The following JCHAIN variants were observed in gnomAD, a reference collection of about 807,000 sequenced individuals.
The protein encoded by JCHAIN is joining chain of multimeric IgA and IgM, also known as immunoglobulin J chain.
Under a neutral mutation model 11.1 loss-of-function variants are expected in JCHAIN, and 5 were observed. That is an observed-to-expected ratio of 0.45 (90% CI 0.24 to 0.95). JCHAIN has a LOEUF of 0.95. Among genes scored for constraint, JCHAIN ranks in the 40% least tolerant of loss-of-function variants. JCHAIN has a pLI of 0.21. For synonymous variants in JCHAIN, 51 were observed against 67.8 expected (o/e 0.75, Z 1.22); for missense variants, 165 against 192.7 (o/e 0.86, Z 0.85).
intron 3 of JCHAIN, 149 bp downstream of exon 3, chr4:70,657,062 A>G (rs1738963941): frequency 2.2e-6 from 1 of 454,276 alleles, no homozygotes; most frequent in African/African-American, 2.0e-5. Context: ...CTAATAATTA[A>G]CATAGGAATT....
At chr4:70,656,782 C>T (rs1738957471) in intron 3 of JCHAIN, among the ~76,000 whole-genome samples, 1 of 152,080 alleles carries the variant, frequency 6.6e-6, no homozygotes, top group African/African-American at 2.4e-5. Flanking sequence ...TTTATCTACA[C>T]CATACAGCAA....
intron 1 of JCHAIN, chr4:70,665,935 T>C: frequency 3.2e-6 from 1 of 308,000 alleles, no homozygotes; most frequent in Non-Finnish European, 6.6e-6. Context: ...AGTTCAGTCA[T>C]CAATTTATAG....
At chr4:70,664,860 G>C (rs1739124163) in intron 1 of JCHAIN, among the ~76,000 whole-genome samples, 1 of 152,088 alleles carries the variant, frequency 6.6e-6, no homozygotes, top group Non-Finnish European at 1.5e-5. Flanking sequence ...AGAAACCTGG[G>C]AAGTTAATAT....
chr4:70,658,521 T>C (rs1046867879), intron 2 of JCHAIN, among the ~76,000 whole-genome samples: 1 of 152,174 alleles, frequency 6.6e-6, no homozygotes, highest in African/African-American at 2.4e-5. Context: ...TTTTCTCATC[T>C]CCCATCTTAA....
chr4:70,661,962 C>A (rs1739064584), intron 2 of JCHAIN, 130 bp downstream of exon 2: 1 of 811,820 alleles, frequency 1.2e-6, no homozygotes, highest in South Asian at 1.9e-5. Context: ...AGACTCAATT[C>A]TTTACTCATG....
intron 1 of JCHAIN, among the ~76,000 whole-genome samples, chr4:70,666,175 G>C (rs887617147): frequency 1.3e-5 from 2 of 152,074 alleles, no homozygotes; most frequent in African/African-American, 2.4e-5. Flanking sequence ...ATATAAGCAG[G>C]ACTATCTGTA....
intron 2 of JCHAIN, among the ~76,000 whole-genome samples, chr4:70,657,804 G>C (rs1244388641): frequency 6.6e-6 from 1 of 152,124 alleles, no homozygotes; most frequent in Non-Finnish European, 1.5e-5. Context: ...GAAATGGACA[G>C]ACAGATATTA....
chr4:70,666,267 T>C (rs893919511), intron 1 of JCHAIN, among the ~76,000 whole-genome samples, 160 bp downstream of exon 1: 2 of 152,154 alleles, frequency 1.3e-5, no homozygotes, highest in African/African-American at 4.8e-5. Flanking sequence ...AAGAGTCTTA[T>C]CTATGTAAAG....
rs1392238032 is a variant in JCHAIN at position 70,662,080 on chromosome 4, A to G, written c.188+12T>C. 5.0e-6 allele frequency: 8 copies of G among 1,612,666 alleles called. No individual in the cohort carries two copies. The South Asian group carries it at 8.8e-5, about 18-fold the overall frequency. ...TAGAACAGGAAAAAAAGGAATATGG[A>G]ATGCCACATACATAATTCGGATGTT... On this transcript the variant is annotated intron_variant, in intron 2 of 3. Coordinates refer to ENST00000254801, the MANE Select transcript of JCHAIN (RefSeq NM_144646.4).
rs566117456 is a variant in JCHAIN, at chr4:70,660,823, CTT to C, written c.188+1267_188+1268del. Among the ~76,000 whole-genome samples the C allele has an allele frequency of 3.2e-4, 49 of 152,202 alleles. No homozygotes were observed. In the South Asian group the frequency reaches 9.7e-3, roughly 30 times the overall value. On this transcript the variant is annotated intron_variant, in intron 2 of 3. Coordinates refer to ENST00000254801, the MANE Select transcript of JCHAIN (RefSeq NM_144646.4). Reference sequence around the variant, plus strand: ...CAATGTTGGGGAAACCATCACAAGACTTTTAAGCAGGATGGTGACAATAATTG... The same window carrying C: ...CAATGTTGGGGAAACCATCACAAGACTTAAGCAGGATGGTGACAATAATTG...
rs900640438 is a variant in JCHAIN at position 70,656,181 on chromosome 4, A to C, written c.*148T>G. On this transcript the variant is annotated 3_prime_UTR_variant, in exon 4 of 4. Transcript: ENST00000254801. ...AGATAACAATGTGACTATTTTAATT[A>C]TTTTGGTGGCAGGGAGTTGGTTTTA... 1.6e-6 allele frequency: 1 copy of C among 610,424 alleles called. No homozygotes were observed. Among genetic ancestry groups the C allele is most frequent in the Non-Finnish European group, 2.9e-6 (1 of 339,026 alleles). The allele number at this position is 610,424 out of a possible 1,614,324, so 37.8% of individuals were successfully genotyped here.
intron 2 of JCHAIN, among the ~76,000 whole-genome samples, chr4:70,658,022 C>T (rs1738983364): frequency 6.6e-6 from 1 of 152,080 alleles, no homozygotes; most frequent in Non-Finnish European, 1.5e-5. Context: ...GCAGCCCTCC[C>T]TACCAAAAGG....
intron 1 of JCHAIN, among the ~76,000 whole-genome samples, chr4:70,663,053 A>G (rs1462758346): frequency 6.6e-6 from 1 of 152,216 alleles, no homozygotes; most frequent in Non-Finnish European, 1.5e-5. Context: ...AAATATTATG[A>G]GGTACAATCT....
intron 1 of JCHAIN, among the ~76,000 whole-genome samples, chr4:70,664,405 G>A (rs1739114543): frequency 6.6e-6 from 1 of 151,950 alleles, no homozygotes; most frequent in Admixed American, 6.6e-5. Context: ...AATTTTAACT[G>A]GAAGTCTATT....
At chr4:70,664,119 C>T (rs1440565889) in intron 1 of JCHAIN, 2 of 151,726 alleles carry the variant, frequency 1.3e-5, no homozygotes, top group Non-Finnish European at 1.5e-5. Flanking sequence ...CCCAGCTACT[C>T]GGGAGGCTGA....
intron 3 of JCHAIN, 132 bp downstream of exon 3, chr4:70,657,079 T>C (rs1285775497): frequency 1.6e-5 from 8 of 500,634 alleles, no homozygotes; most frequent in South Asian, 3.6e-5. Context: ...AATTAATGTA[T>C]TCAAAAGTTC....
chr4:70,659,044 A>C (rs948169065), intron 2 of JCHAIN, among the ~76,000 whole-genome samples: 2 of 152,188 alleles, frequency 1.3e-5, no homozygotes, highest in Non-Finnish European at 2.9e-5. Context: ...GACTGTAAAG[A>C]CTCTAGTAAT....
intron 2 of JCHAIN, among the ~76,000 whole-genome samples, chr4:70,659,707 CA>C (rs111299017): frequency 0.036 from 5,321 of 148,926 alleles, 325 homozygotes; most frequent in African/African-American, 0.12. Context: ...ACTAAAAATA[CA>C]AAAAAAAACT....
chr4:70,660,302 G>A (rs193083664), intron 2 of JCHAIN, among the ~76,000 whole-genome samples: 92 of 151,906 alleles, frequency 6.1e-4, no homozygotes, highest in South Asian at 4.8e-3. Context: ...GTGGGACAGA[G>A]TTCTTCAAAC....
Sources: allele counts gnomAD v4.1 joint callset (sites outside exome capture counted in the v4.1 genomes callset), GRCh38; gene constraint gnomAD v4.1.1; transcripts MANE v1.5; gene names NCBI Gene and HGNC (gene_info 2026-07-23, HGNC 2026-07-21).